Variants in KALRN observed in about 807,000 individuals in gnomAD.
KALRN encodes kalirin RhoGEF kinase.
Under a neutral mutation model 353.7 loss-of-function variants are expected in KALRN, and 70 were observed. The observed-to-expected ratio is 0.20, with a 90% CI of 0.16 to 0.24. The LOEUF (loss-of-function observed/expected upper bound fraction) is 0.24, where lower values mean the gene tolerates loss of function less well. KALRN is among the 10% of genes least tolerant of loss of function. The probability of loss-of-function intolerance (pLI) is 1.00; values close to 1 mark genes in which losing one functional copy is unlikely to be tolerated. For synonymous variants in KALRN, 1,391 were observed against 1,434.8 expected (o/e 0.97, Z 0.69); for missense variants, 2,791 against 3,756.7 (o/e 0.74, Z 6.72).
intron 22 of KALRN, 40 bp downstream of exon 22, chr3:124,455,399 C>T: frequency 6.3e-7 from 1 of 1,578,520 alleles, no homozygotes; most frequent in Non-Finnish European, 8.7e-7. Flanking sequence ...CCTCCCTTCT[C>T]ATCTCCCTGA....
At chr3:124,649,803 A>ATAGATAGC (rs2083193110) in intron 37 of KALRN, among the ~76,000 whole-genome samples, 2 of 146,716 alleles carry the variant, frequency 1.4e-5, no homozygotes, top group Admixed American at 1.4e-4. Context: ...AGATAGATAG[A>ATAGATAGC]TAGATAGATA....
chr3:124,702,311 C>A lies in KALRN; in HGVS notation c.8075+195C>A, dbSNP rs754647508. Among the ~76,000 whole-genome samples, 5 of 152,266 alleles carry A rather than the reference C, an allele frequency of 3.3e-5. No individual in the cohort carries two copies. The East Asian group carries it at 7.7e-4, about 23-fold the overall frequency. On this transcript the variant is annotated intron_variant, in intron 57 of 59. Coordinates refer to ENST00000682506, the MANE Select transcript of KALRN (RefSeq NM_001388419.1). ...TTCTTAAGTTGGATGCTTCATTCAT[C>A]AGTTGTCAACCTTTCTTCTTTTCTA...
chr3:124,082,379 C>T (rs1291478119), intron 1 of KALRN: 2 of 458,520 alleles, frequency 4.4e-6, no homozygotes, highest in Non-Finnish European at 4.5e-6. Flanking sequence ...TGGGCCTGAG[C>T]TATGGAAGGC....
At chr3:124,328,706 G>A (rs893713847) in intron 7 of KALRN, among the ~76,000 whole-genome samples, 1 of 152,216 alleles carries the variant, frequency 6.6e-6, no homozygotes, top group Non-Finnish European at 1.5e-5. Context: ...AAAGCTGACA[G>A]TGACAACAAA....
intron 42 of KALRN, among the ~76,000 whole-genome samples, chr3:124,659,157 G>A (rs1028696123): frequency 2.6e-5 from 4 of 152,218 alleles, no homozygotes; most frequent in African/African-American, 9.7e-5. Flanking sequence ...AGCATGGGAG[G>A]AAGGCAGGAA....
chr3:124,117,367 A>T (rs935789023), intron 1 of KALRN, among the ~76,000 whole-genome samples: 4 of 152,002 alleles, frequency 2.6e-5, no homozygotes, highest in African/African-American at 9.7e-5. Flanking sequence ...AGAATCAGCA[A>T]ATTATTTTAT....
At chr3:124,472,114 A>G (rs1224131014) in intron 25 of KALRN, among the ~76,000 whole-genome samples, 1 of 152,170 alleles carries the variant, frequency 6.6e-6, no homozygotes, top group African/African-American at 2.4e-5. Context: ...GGTAGCTGCT[A>G]TCACAAAAGT....
chr3:124,528,836 A>T (rs2067799800), intron 33 of KALRN, among the ~76,000 whole-genome samples: 1 of 152,166 alleles, frequency 6.6e-6, no homozygotes, highest in Non-Finnish European at 1.5e-5. Flanking sequence ...ACAAAATCAC[A>T]TTCTCTATGT....
At chr3:124,563,261 A>G (rs1224301154) in intron 34 of KALRN, among the ~76,000 whole-genome samples, 172 bp downstream of exon 34, 1 of 152,130 alleles carries the variant, frequency 6.6e-6, no homozygotes, top group Non-Finnish European at 1.5e-5. Flanking sequence ...GGAGAGGAAG[A>G]GCTCCCGAGT....
chr3:124,516,636 TAAAA>T (rs371660048), intron 33 of KALRN, among the ~76,000 whole-genome samples: 1 of 118,810 alleles, frequency 8.4e-6, no homozygotes, highest in African/African-American at 3.2e-5. Flanking sequence ...AGCACATCTA[TAAAA>T]AAAAAAAAAA....
At chr3:124,219,279 C>T (rs963909823) in intron 1 of KALRN, among the ~76,000 whole-genome samples, 1 of 152,228 alleles carries the variant, frequency 6.6e-6, no homozygotes, top group Non-Finnish European at 1.5e-5. Flanking sequence ...CAGGGAGGTA[C>T]ATGCCAGTGA....
chr3:124,628,141 CTCCCTCCCTCCCTCCCTCCCTTCCTTCCT>C (rs2080177639), intron 34 of KALRN, among the ~76,000 whole-genome samples: 1 of 63,386 alleles, frequency 1.6e-5, no homozygotes, highest in Non-Finnish European at 3.0e-5. Flanking sequence ...TCCTTCCATC[CTCCCTCCCTCCCTCCCTCCCTTCCTTCCT>C]TCCCTCCCTC....
At chr3:124,354,864 C>T (rs1210590165) in intron 10 of KALRN, among the ~76,000 whole-genome samples, 1 of 152,150 alleles carries the variant, frequency 6.6e-6, no homozygotes, top group Admixed American at 6.5e-5. Flanking sequence ...ATGAAATCTA[C>T]AAACCTGAGG....
At chr3:124,530,503 T>A (rs918680472) in intron 33 of KALRN, among the ~76,000 whole-genome samples, 7 of 152,088 alleles carry the variant, frequency 4.6e-5, no homozygotes, top group African/African-American at 1.7e-4. Flanking sequence ...GTGATCCTCC[T>A]GCTTCAGCCT....
intron 33 of KALRN, among the ~76,000 whole-genome samples, chr3:124,527,685 C>CATCTT (rs770048492): frequency 2.6e-5 from 4 of 152,172 alleles, no homozygotes; most frequent in East Asian, 3.9e-4. Context: ...GATAAGATAG[C>CATCTT]GTCTGCCCCA....
At chr3:124,168,220 G>A (rs115259388) in intron 1 of KALRN, among the ~76,000 whole-genome samples, 105 of 152,280 alleles carry the variant, frequency 6.9e-4, no homozygotes, top group Admixed American at 1.2e-3. Flanking sequence ...CTGAAAAGCC[G>A]TTTAAAAAGT....
chr3:124,636,880 G>A lies in KALRN; in HGVS notation c.5569-328G>A, dbSNP rs376911794. Among the ~76,000 whole-genome samples, 17 of 152,246 alleles carry A rather than the reference G, an allele frequency of 1.1e-4. No homozygotes were observed. The East Asian group carries it at 2.5e-3, about 22-fold the overall frequency. On this transcript the variant is annotated intron_variant, in intron 36 of 59. Coordinates refer to ENST00000682506, the MANE Select transcript of KALRN (RefSeq NM_001388419.1). ...GTTTGCCCACAGAGCAGTAGCCCCC[G>A]CCCTCCAAGCTGTTGCTGTCAGTAG... is the stretch of plus-strand genomic sequence containing the variant.
intron 2 of KALRN, among the ~76,000 whole-genome samples, chr3:124,232,316 G>A (rs1186390725): frequency 6.6e-6 from 1 of 152,200 alleles, no homozygotes; most frequent in Non-Finnish European, 1.5e-5. Context: ...CTCGAGAGAA[G>A]TTCTCCAGTG....
chr3:124,364,583 A>G (rs1012008594), intron 10 of KALRN, among the ~76,000 whole-genome samples: 1 of 152,220 alleles, frequency 6.6e-6, no homozygotes, highest in African/African-American at 2.4e-5. Flanking sequence ...TTTGGCCGAC[A>G]GTGCATGGTG....
Sources: gnomAD v4.1 joint callset for allele counts (sites outside exome capture counted in the v4.1 genomes callset) on GRCh38, gnomAD v4.1.1 for gene constraint, MANE v1.5 for transcripts, NCBI Gene and HGNC (gene_info 2026-07-23, HGNC 2026-07-21) for gene names.